The following RPH3A variants were observed in gnomAD, a reference collection of about 807,000 sequenced individuals.
The protein encoded by RPH3A is rabphilin 3A.
A neutral mutation model predicts 102.2 loss-of-function variants in RPH3A; 48 were observed. That is an observed-to-expected ratio of 0.47 (90% confidence interval 0.37 to 0.60). The LOEUF (loss-of-function observed/expected upper bound fraction) is 0.60. Among genes scored for constraint, RPH3A ranks in the 20% least tolerant of loss-of-function variants. The pLI is 0.00. For missense variants in RPH3A, 781 were observed against 910.1 expected (o/e 0.86, Z 1.83); for synonymous variants, 310 against 324.3 (o/e 0.96, Z 0.47).
chr12:112,601,434 G>A (rs138588834), intron 1 of RPH3A, among the ~76,000 whole-genome samples: 246 of 152,268 alleles, frequency 1.6e-3, no homozygotes, highest in African/African-American at 5.7e-3. Context: ...CTATCAACAG[G>A]AAAGTGGATT....
intron 1 of RPH3A, among the ~76,000 whole-genome samples, chr12:112,592,820 G>A (rs1488736271): frequency 6.6e-6 from 1 of 152,146 alleles, no homozygotes; most frequent in South Asian, 2.1e-4. Context: ...GTTAAGCGGG[G>A]CCACACGACT....
Position 112,843,648 on chromosome 12 carries a change from G to A in RPH3A, c.84-4048G>A, listed in dbSNP as rs571133248. Among the ~76,000 whole-genome samples, 3 of 152,330 alleles carry A rather than the reference G, an allele frequency of 2.0e-5. No homozygotes were observed. In the South Asian group the frequency reaches 6.2e-4, roughly 32 times the overall value. On this transcript the variant is annotated intron_variant, in intron 4 of 21. Transcript: ENST00000389385. Reference sequence around the variant, plus strand: ...GCTCCTGACAAGATTGTAAGCTGCAGGAATGTGTCCTTGGAGGGTCTTCAC... The same window carrying A: ...GCTCCTGACAAGATTGTAAGCTGCAAGAATGTGTCCTTGGAGGGTCTTCAC...
chr12:112,785,049 C>T (rs1313493520), intron 1 of RPH3A, among the ~76,000 whole-genome samples: 1 of 151,960 alleles, frequency 6.6e-6, no homozygotes, highest in Non-Finnish European at 1.5e-5. Flanking sequence ...ATGGAGAAAC[C>T]CCGTCTCTAC....
At chr12:112,580,473 G>A (rs2039391449) in intron 1 of RPH3A, among the ~76,000 whole-genome samples, 1 of 140,238 alleles carries the variant, frequency 7.1e-6, no homozygotes, top group East Asian at 2.5e-4. Flanking sequence ...GCGCGATCTC[G>A]GCTCACTGCA....
At chr12:112,694,547 GAA>G (rs2040331243) in intron 1 of RPH3A, among the ~76,000 whole-genome samples, 1 of 151,830 alleles carries the variant, frequency 6.6e-6, no homozygotes, top group African/African-American at 2.4e-5. Context: ...TGAGGGCGGG[GAA>G]AAAGAGAGAG....
chr12:112,604,388 A>T (rs2039580584), intron 1 of RPH3A, among the ~76,000 whole-genome samples: 1 of 152,182 alleles, frequency 6.6e-6, no homozygotes, highest in Non-Finnish European at 1.5e-5. Context: ...CTGTGCTGAG[A>T]GTTACACTCT....
chr12:112,594,463 C>T (rs896391836), intron 1 of RPH3A, among the ~76,000 whole-genome samples: 4 of 152,154 alleles, frequency 2.6e-5, no homozygotes, highest in Non-Finnish European at 4.4e-5. Flanking sequence ...ATCATCCATC[C>T]ATCCTTCCAT....
chr12:112,740,598 C>T lies in RPH3A; in HGVS notation c.-139-51545C>T, dbSNP rs115879227. On this transcript the variant is annotated intron_variant, in intron 1 of 21. Coordinates refer to the RPH3A transcript ENST00000543106. ...AGAATTTCTTGAGGTTCCTGAAAGCCTCTGTGTCATCATGAAACAGAAGCT... is the reference window on the plus strand; with the variant it reads ...AGAATTTCTTGAGGTTCCTGAAAGCTTCTGTGTCATCATGAAACAGAAGCT... 4.1e-3 allele frequency among the ~76,000 whole-genome samples: 626 copies of T among 152,288 alleles called. 5 individuals are homozygous for T. Among genetic ancestry groups the T allele is most frequent in the African/African-American group, 0.015 (603 of 41,556 alleles).
intron 1 of RPH3A, among the ~76,000 whole-genome samples, chr12:112,602,332 G>A (rs891167011): frequency 2.0e-5 from 3 of 151,958 alleles, no homozygotes; most frequent in South Asian, 2.1e-4. Flanking sequence ...AAAGCCTGCC[G>A]CCCAGGCTCA....
chr12:112,616,790 C>T (rs2039683484), intron 1 of RPH3A, among the ~76,000 whole-genome samples: 1 of 152,220 alleles, frequency 6.6e-6, no homozygotes, highest in African/African-American at 2.4e-5. Context: ...GAGTGATCAG[C>T]TGTCAGATGC....
At chr12:112,689,534 C>T (rs2040291479) in intron 1 of RPH3A, among the ~76,000 whole-genome samples, 1 of 152,148 alleles carries the variant, frequency 6.6e-6, no homozygotes, top group African/African-American at 2.4e-5. Flanking sequence ...GGAGTTTGGG[C>T]TTTTCATAGG....
chr12:112,649,294 A>G (rs772734277), intron 1 of RPH3A: 1 of 152,250 alleles, frequency 6.6e-6, no homozygotes, highest in Non-Finnish European at 1.5e-5. Context: ...GCCCTGGCAC[A>G]TTTTTATTTT....
At chr12:112,766,375 G>T (rs1004767506) in intron 1 of RPH3A, among the ~76,000 whole-genome samples, 1 of 152,178 alleles carries the variant, frequency 6.6e-6, no homozygotes, top group African/African-American at 2.4e-5. Context: ...CTCAAGAAAG[G>T]CTAGTGATTA....
At chr12:112,598,843 G>A (rs534988464) in intron 1 of RPH3A, among the ~76,000 whole-genome samples, 180 of 152,314 alleles carry the variant, frequency 1.2e-3, no homozygotes, top group African/African-American at 4.1e-3. Context: ...TAGGGAACTA[G>A]CCAGGAAGAG....
intron 1 of RPH3A, among the ~76,000 whole-genome samples, chr12:112,710,811 G>A (rs527718831): frequency 5.5e-4 from 83 of 152,102 alleles, no homozygotes; most frequent in Middle Eastern, 3.4e-3. Flanking sequence ...TTTCTTTTCC[G>A]TTTCTGTGTA....
At chr12:112,635,212 G>A (rs1223335315) in intron 1 of RPH3A, among the ~76,000 whole-genome samples, 1 of 152,176 alleles carries the variant, frequency 6.6e-6, no homozygotes. Context: ...GGGTGTGGCT[G>A]TGTTACAATA....
intron 4 of RPH3A, among the ~76,000 whole-genome samples, chr12:112,844,154 GGGTGTGGGC>G (rs2042192580): frequency 6.6e-6 from 1 of 152,186 alleles, no homozygotes; most frequent in South Asian, 2.1e-4. Flanking sequence ...CCCTGACCCT[GGGTGTGGGC>G]AGGACCTGAG....
In RPH3A at chr12:112,890,993, T is replaced by C; in HGVS notation, c.1765T>C (p.Phe589Leu). The C allele has an allele frequency of 6.2e-7, 1 of 1,614,078 alleles. No homozygotes were observed. The highest frequency in any genetic ancestry group is 8.5e-7 in the Non-Finnish European group (1 of 1,179,990). ...AMDANGYSDP[F>L]VKLWLKPDMG... ...GGACGCTAATGGCTACTCAGACCCA[T>C]TCGTCAAGCTGTAAGTCAATGCCTT... The change falls in exon 19 of 22, where the codon TTC becomes CTC. Residue 589 changes from phenylalanine (F) to leucine (L), a missense_variant. Physicochemically the swap from Phe to Leu is conservative, Grantham distance 22. Coordinates refer to ENST00000389385, the MANE Select transcript of RPH3A (RefSeq NM_001143854.2).
intron 1 of RPH3A, among the ~76,000 whole-genome samples, chr12:112,708,761 G>A (rs1044746974): frequency 6.6e-6 from 1 of 152,148 alleles, no homozygotes; most frequent in Non-Finnish European, 1.5e-5. Flanking sequence ...GGGGATCGGA[G>A]CCTCCTGCGA....
Sources: gnomAD v4.1 joint callset for allele counts (sites outside exome capture counted in the v4.1 genomes callset) on GRCh38, gnomAD v4.1.1 for gene constraint, MANE v1.5 for transcripts, NCBI Gene and HGNC (gene_info 2026-07-23, HGNC 2026-07-21) for gene names.